The following FAM13A variants were observed in gnomAD, a reference collection of about 807,000 sequenced individuals.
The protein encoded by FAM13A is family with sequence similarity 13 member A, also known as protein FAM13A.
Under a neutral mutation model 129.6 loss-of-function variants are expected in FAM13A, and 76 were observed. The observed-to-expected ratio is 0.59, with a 90% CI of 0.49 to 0.71. The LOEUF is 0.71. Among genes scored for constraint, FAM13A ranks in the 30% least tolerant of loss-of-function variants. The pLI, the probability that FAM13A is intolerant of heterozygous loss-of-function variation, is 0.00. For missense variants in FAM13A, 1,108 were observed against 1,249.3 expected, an observed-to-expected ratio of 0.89 and a Z score of 1.70; for synonymous variants, 443 against 449.9, an observed-to-expected ratio of 0.98 and a Z score of 0.20.
intron 11 of FAM13A, among the ~76,000 whole-genome samples, chr4:88,773,114 C>T (rs903944879): frequency 2.0e-5 from 3 of 152,182 alleles, no homozygotes; most frequent in Non-Finnish European, 4.4e-5. Flanking sequence ...TCCACTTGTC[C>T]ATTATGTTCC....
chr4:89,050,830 A>T (rs1771495891), intron 1 of FAM13A, among the ~76,000 whole-genome samples: 1 of 152,060 alleles, frequency 6.6e-6, no homozygotes, highest in Admixed American at 6.6e-5. Context: ...CAGGAGGCTG[A>T]AGCAGGAGAA....
At chr4:89,026,214 G>A (rs202189423) in intron 2 of FAM13A, among the ~76,000 whole-genome samples, 35 of 152,278 alleles carry the variant, frequency 2.3e-4, no homozygotes, top group African/African-American at 8.4e-4. Context: ...TCAAAACCAA[G>A]TATGTAAATA....
intron 8 of FAM13A, among the ~76,000 whole-genome samples, chr4:88,795,433 T>C (rs1222329334): frequency 2.0e-5 from 3 of 151,822 alleles, no homozygotes; most frequent in Admixed American, 6.6e-5. Context: ...TTGACAATTA[T>C]TGATGTTTTC....
At chr4:89,010,190 C>G (rs1579754670) in intron 3 of FAM13A, among the ~76,000 whole-genome samples, 1 of 152,048 alleles carries the variant, frequency 6.6e-6, no homozygotes, top group East Asian at 1.9e-4. Context: ...AATTTGTAAC[C>G]CTGCTAAACT....
At chr4:88,868,989 T>G (rs1561206086) in intron 6 of FAM13A, among the ~76,000 whole-genome samples, 1 of 152,314 alleles carries the variant, frequency 6.6e-6, no homozygotes, top group East Asian at 1.9e-4. Flanking sequence ...GCATCTTCAT[T>G]TGGAAGATGG....
At chr4:88,761,712 C>T (rs1255405215) in intron 13 of FAM13A, among the ~76,000 whole-genome samples, 1 of 151,908 alleles carries the variant, frequency 6.6e-6, no homozygotes, top group African/African-American at 2.4e-5. Context: ...CTGTGAAAGG[C>T]CTCATATGCC....
chr4:88,942,757 T>C (rs996448302), intron 4 of FAM13A, among the ~76,000 whole-genome samples: 14 of 152,194 alleles, frequency 9.2e-5, no homozygotes, highest in African/African-American at 3.1e-4. Flanking sequence ...CGTAGGCTAC[T>C]AACTCTCCGA....
At chr4:88,732,293 T>A (rs1738000572) in intron 21 of FAM13A, 95 bp from the exon 22 acceptor site, 1 of 851,942 alleles carries the variant, frequency 1.2e-6, no homozygotes, top group Admixed American at 2.7e-5. Flanking sequence ...ATTATCAGAC[T>A]CCATATAGTT....
intron 7 of FAM13A, among the ~76,000 whole-genome samples, chr4:88,834,763 A>G (rs1467330152): frequency 6.6e-6 from 1 of 152,206 alleles, no homozygotes; most frequent in Non-Finnish European, 1.5e-5. Flanking sequence ...ATCACTGTCT[A>G]CAAAACAAAT....
rs371651826 is a variant in FAM13A at position 88,781,617 on chromosome 4, T to C, written c.1272-266A>G. Among the ~76,000 whole-genome samples the C allele has an allele frequency of 1.7e-4, 26 of 152,206 alleles. No individual in the cohort carries two copies. In the East Asian group the frequency reaches 1.7e-3, roughly 10 times the overall value. On this transcript the variant is annotated intron_variant, in intron 10 of 23. Transcript: ENST00000264344. ...GCTTTTGTATTTTACCAAAAGTAAT[T>C]TGTATTCAAAAAGGGAGAACAGTGC... is the stretch of plus-strand genomic sequence containing the variant.
At chr4:88,957,549 G>A (rs557204796) in intron 4 of FAM13A, among the ~76,000 whole-genome samples, 2 of 152,272 alleles carry the variant, frequency 1.3e-5, no homozygotes, top group African/African-American at 2.4e-5. Flanking sequence ...GCCTAACATA[G>A]AAAATTGGTA....
chr4:88,944,782 A>T (rs1259461525), intron 4 of FAM13A, among the ~76,000 whole-genome samples: 1 of 152,128 alleles, frequency 6.6e-6, no homozygotes, highest in African/African-American at 2.4e-5. Context: ...GGGTGCCTAT[A>T]GTCCCAGCTA....
At chr4:88,800,696 CAA>C (rs1185321303) in intron 8 of FAM13A, among the ~76,000 whole-genome samples, 2 of 54,118 alleles carry the variant, frequency 3.7e-5, no homozygotes, top group Non-Finnish European at 3.8e-5. Context: ...GAAACAAAAA[CAA>C]AAAAAAAAAA....
chr4:89,001,454 C>T (rs138147224), intron 3 of FAM13A, among the ~76,000 whole-genome samples: 1 of 152,192 alleles, frequency 6.6e-6, no homozygotes, highest in East Asian at 1.9e-4. Flanking sequence ...AAGATACACA[C>T]TGAAAATGGA....
chr4:88,878,827 T>C (rs1376524192), intron 6 of FAM13A, among the ~76,000 whole-genome samples: 1 of 152,216 alleles, frequency 6.6e-6, no homozygotes, highest in Non-Finnish European at 1.5e-5. Flanking sequence ...ACATCTGTTA[T>C]CACAATGAGC....
rs1242606768 is a variant in FAM13A at position 88,887,534 on chromosome 4, C to CT, written c.843+18844dup. Among the ~76,000 whole-genome samples the CT allele has an allele frequency of 8.3e-3, 982 of 117,714 alleles. 4 individuals carry two copies. The highest frequency in any genetic ancestry group is 0.011 in the Non-Finnish European group (531 of 49,772). The allele number at this position is 117,714 out of a possible 152,430, so 77.2% of individuals were successfully genotyped here. Reference sequence around the variant, plus strand: ...TTCACATATGTACCTTTCTTTCTTTCTTTTTTTTTTTTTTGAGACAGAGTC... The same window carrying CT: ...TTCACATATGTACCTTTCTTTCTTTCTTTTTTTTTTTTTTTGAGACAGAGTC... On this transcript the variant is annotated intron_variant, in intron 6 of 23. Coordinates refer to ENST00000264344, the MANE Select transcript of FAM13A (RefSeq NM_014883.4).
At chr4:88,949,061 A>G (rs569532914) in intron 4 of FAM13A, among the ~76,000 whole-genome samples, 32 of 152,300 alleles carry the variant, frequency 2.1e-4, no homozygotes, top group African/African-American at 7.2e-4. Flanking sequence ...TACAAAACTA[A>G]TATTTTTGTA....
intron 13 of FAM13A, 90 bp downstream of exon 13, chr4:88,767,463 C>T: frequency 1.2e-6 from 1 of 856,190 alleles, no homozygotes; most frequent in South Asian, 2.3e-5. Context: ...ATCTCAATGT[C>T]CCTTATTGGC....
chr4:88,927,201 A>ATT (rs374954541), intron 5 of FAM13A, among the ~76,000 whole-genome samples: 2 of 145,478 alleles, frequency 1.4e-5, no homozygotes, highest in African/African-American at 5.0e-5. Flanking sequence ...TCCTATGTAT[A>ATT]TTTTTTTTTT....
Sources: allele counts gnomAD v4.1 joint callset (sites outside exome capture counted in the v4.1 genomes callset), GRCh38; gene constraint gnomAD v4.1.1; transcripts MANE v1.5; gene names NCBI Gene and HGNC (gene_info 2026-07-23, HGNC 2026-07-21).